Variants in ZCCHC24 observed in about 807,000 individuals in gnomAD.
ZCCHC24 encodes the protein zinc finger CCHC-type containing 24, also known as zinc finger CCHC domain-containing protein 24.
Under a neutral mutation model 26.2 loss-of-function variants are expected in ZCCHC24, and 10 were observed. The ratio of observed to expected loss-of-function variants is 0.38; its 90% confidence interval spans 0.24 to 0.65. ZCCHC24 has a LOEUF of 0.65. Among genes scored for constraint, ZCCHC24 ranks in the 30% least tolerant of loss-of-function variants. The pLI is 0.54. For missense variants in ZCCHC24, 243 were observed against 329.1 expected (o/e 0.74, Z 2.03); for synonymous variants, 144 against 147.1 (o/e 0.98, Z 0.15).
chr10:79,440,052 A>G (rs2132225076), intron 1 of ZCCHC24, among the ~76,000 whole-genome samples: 1 of 152,258 alleles, frequency 6.6e-6, no homozygotes, highest in South Asian at 2.1e-4. Flanking sequence ...AACCCCAAGT[A>G]GACCAGTATG....
At chr10:79,412,299 G>T (rs916657367) in intron 2 of ZCCHC24, among the ~76,000 whole-genome samples, 1 of 152,380 alleles carries the variant, frequency 6.6e-6, no homozygotes, top group South Asian at 2.1e-4. Flanking sequence ...GGAGCTTCCT[G>T]CTAAGCTCTT....
intron 2 of ZCCHC24, among the ~76,000 whole-genome samples, chr10:79,402,982 C>T (rs1163118697): frequency 6.6e-6 from 1 of 152,218 alleles, no homozygotes; most frequent in African/African-American, 2.4e-5. Context: ...TGGAAAATTC[C>T]AGAAATATGG....
intron 2 of ZCCHC24, among the ~76,000 whole-genome samples, chr10:79,428,094 A>G (rs762631040): frequency 6.6e-6 from 1 of 152,252 alleles, no homozygotes; most frequent in Non-Finnish European, 1.5e-5. Flanking sequence ...CAGTATTCAC[A>G]ATAACCAAAA....
chr10:79,382,535 C>G lies in ZCCHC24; in HGVS notation c.*3810G>C, dbSNP rs542335363. 1.1e-4 allele frequency: 17 copies of G among 153,006 alleles called. No homozygotes were observed. Among genetic ancestry groups the G allele is most frequent in the African/African-American group, 4.1e-4 (17 of 41,582 alleles). 9.5% of individuals were successfully genotyped at this position (153,006 alleles called of 1,614,324 possible). A position where few individuals can be genotyped will look rare whatever the true frequency, so the allele number is the denominator to read the frequency against. On this transcript the variant is annotated 3_prime_UTR_variant, in exon 4 of 4. Coordinates refer to ENST00000372336, the MANE Select transcript of ZCCHC24 (RefSeq NM_153367.4). ...AGCTGGACTCACACGTATGGACAGA[C>G]ACAGACACGGACGGGGTCACCGCAT...
intron 1 of ZCCHC24, among the ~76,000 whole-genome samples, chr10:79,436,666 C>T (rs11002982): frequency 6.6e-6 from 1 of 152,150 alleles, no homozygotes. Flanking sequence ...ACAGCCTGCC[C>T]TGGGTGCGAT....
chr10:79,430,685 A>C lies in ZCCHC24; in HGVS notation c.447+1873T>G, dbSNP rs145769454. 1.8e-4 allele frequency among the ~76,000 whole-genome samples: 14 copies of C among 76,082 alleles called. 1 individual carries two copies. In the South Asian group the frequency reaches 3.4e-3, roughly 19 times the overall value. 49.9% of individuals were successfully genotyped at this position (76,082 alleles called of 152,430 possible). A position where few individuals can be genotyped will look rare whatever the true frequency, so the allele number is the denominator to read the frequency against. On this transcript the variant is annotated intron_variant, in intron 2 of 3. Transcript: ENST00000372336. ...TGTGCACATACACTCACACACACAC[A>C]CCACACACACACACACACACACACA... is the stretch of plus-strand genomic sequence containing the variant.
chr10:79,441,963 T>A (rs1470046919), intron 1 of ZCCHC24, among the ~76,000 whole-genome samples: 2 of 152,196 alleles, frequency 1.3e-5, no homozygotes, highest in African/African-American at 4.8e-5. Context: ...GTAACTCAGC[T>A]TTTCCAGAAA....
chr10:79,400,032 A>G (rs577737618), intron 2 of ZCCHC24, among the ~76,000 whole-genome samples: 11 of 152,330 alleles, frequency 7.2e-5, no homozygotes, highest in Admixed American at 2.0e-4. Context: ...CCAACTCTAC[A>G]GTCCTCCCAA....
intron 2 of ZCCHC24, among the ~76,000 whole-genome samples, chr10:79,405,546 C>T (rs552252179): frequency 3.9e-5 from 6 of 152,260 alleles, no homozygotes; most frequent in Non-Finnish European, 7.3e-5. Context: ...GCACCCTGGA[C>T]GGCTGTCTTG....
intron 2 of ZCCHC24, among the ~76,000 whole-genome samples, chr10:79,421,437 C>CCCCCCCCTCCCCTCCT (rs1856934411): frequency 8.1e-6 from 1 of 122,934 alleles, no homozygotes; most frequent in Non-Finnish European, 1.8e-5. Context: ...CTCTCCCTTC[C>CCCCCCCCTCCCCTCCT]CCCTCCCTCC....
At chr10:79,432,354 A>C (rs1197807467) in intron 2 of ZCCHC24, among the ~76,000 whole-genome samples, 4 of 152,220 alleles carry the variant, frequency 2.6e-5, no homozygotes, top group Admixed American at 2.6e-4. Context: ...CGTGGGCCCA[A>C]GATGGGCCTC....
At chr10:79,443,940 C>T (rs762158699) in intron 1 of ZCCHC24, among the ~76,000 whole-genome samples, 4 of 152,224 alleles carry the variant, frequency 2.6e-5, no homozygotes, top group Non-Finnish European at 5.9e-5. Context: ...GTAGTGTTGG[C>T]CTTGGGCCAG....
At chr10:79,393,776 C>T (rs181428551) in intron 3 of ZCCHC24, among the ~76,000 whole-genome samples, 39 of 152,194 alleles carry the variant, frequency 2.6e-4, no homozygotes, top group African/African-American at 9.4e-4. Flanking sequence ...TGCCCCCTTC[C>T]TAGGATGGCC....
Position 79,433,619 on chromosome 10 carries a change from G to A in ZCCHC24, c.247-861C>T, listed in dbSNP as rs147137676. The stretch of plus-strand genomic sequence containing the variant: ...GAGCAAGGCCAAGGCTGAAAGAGGC[G>A]GCCTCCCCAGGAGGGTCAACAACAA... On this transcript the variant is annotated intron_variant, in intron 1 of 3. Transcript: ENST00000372336. Among the ~76,000 whole-genome samples the A allele has an allele frequency of 2.6e-3, 397 of 152,320 alleles. 5 individuals are homozygous for A. Among genetic ancestry groups the A allele is most frequent in the African/African-American group, 8.6e-3 (357 of 41,576 alleles).
chr10:79,398,708 G>GCC (rs1856582075), intron 2 of ZCCHC24, among the ~76,000 whole-genome samples: 1 of 152,190 alleles, frequency 6.6e-6, no homozygotes, highest in South Asian at 2.1e-4. Context: ...TGGGGACACT[G>GCC]CTGGCAGAGG....
chr10:79,443,298 C>T (rs1293852994), intron 1 of ZCCHC24, among the ~76,000 whole-genome samples: 1 of 152,184 alleles, frequency 6.6e-6, no homozygotes, highest in African/African-American at 2.4e-5. Context: ...TTTCAAAAAG[C>T]AGCACAACAT....
chr10:79,433,559 G>C (rs1208962164), intron 1 of ZCCHC24, among the ~76,000 whole-genome samples: 1 of 152,250 alleles, frequency 6.6e-6, no homozygotes, highest in Non-Finnish European at 1.5e-5. Context: ...CGAAGGTGGG[G>C]CTGGCAGGGA....
At position 79,437,051 on chromosome 10, in the gene ZCCHC24, T is replaced by C. The variant is rs141313227; in HGVS notation, c.247-4293A>G. ...GTGGGAAGACGTTATAGTTTACTTT[T>C]TTTTTGAGACAGGGTCTTACTGTTC... is the stretch of plus-strand genomic sequence containing the variant. On this transcript the variant is annotated intron_variant, in intron 1 of 3. Coordinates refer to ENST00000372336, the MANE Select transcript of ZCCHC24 (RefSeq NM_153367.4). 1.7e-3 allele frequency among the ~76,000 whole-genome samples: 255 copies of C among 152,294 alleles called. 5 individuals carry two copies. The East Asian group carries it at 0.045, about 27-fold the overall frequency.
intron 2 of ZCCHC24, among the ~76,000 whole-genome samples, chr10:79,395,594 A>G (rs1374438259): frequency 6.6e-6 from 1 of 152,210 alleles, no homozygotes; most frequent in Non-Finnish European, 1.5e-5. Flanking sequence ...ATTATCACCA[A>G]TCTAAAAGGT....
Sources: allele counts gnomAD v4.1 joint callset (sites outside exome capture counted in the v4.1 genomes callset), GRCh38; gene constraint gnomAD v4.1.1; transcripts MANE v1.5; gene names NCBI Gene and HGNC (gene_info 2026-07-23, HGNC 2026-07-21).